MICU1: variants seen among roughly 807,000 people sequenced by gnomAD.
MICU1 encodes the protein mitochondrial calcium uptake 1.
Under a neutral mutation model 56.8 loss-of-function variants are expected in MICU1, and 45 were observed. That is an observed-to-expected ratio of 0.79 (90% CI 0.62 to 1.02). MICU1 has a LOEUF of 1.02. Ranked by LOEUF, MICU1 falls within the 50% of genes least tolerant of loss-of-function variation. MICU1 has a pLI of 0.00. For missense variants in MICU1, 504 were observed against 587.1 expected (o/e 0.86, Z 1.46); for synonymous variants, 186 against 195.1 (o/e 0.95, Z 0.39).
chr10:72,435,792 G>C (rs778383091), intron 8 of MICU1, among the ~76,000 whole-genome samples: 16 of 152,256 alleles, frequency 1.1e-4, no homozygotes, highest in Non-Finnish European at 2.4e-4. Context: ...CACTGCTAGC[G>C]CAGCAGTCTG....
intron 8 of MICU1, among the ~76,000 whole-genome samples, chr10:72,435,675 C>T (rs566494118): frequency 1.3e-5 from 2 of 152,334 alleles, no homozygotes; most frequent in South Asian, 2.1e-4. Context: ...AAAAACGGGA[C>T]ACTCCTGCCC....
chr10:72,382,647 G>A (rs1486838629), intron 10 of MICU1, among the ~76,000 whole-genome samples: 1 of 152,048 alleles, frequency 6.6e-6, no homozygotes, highest in Non-Finnish European at 1.5e-5. Flanking sequence ...GGTGGCTCAC[G>A]CCTGTAATCC....
chr10:72,499,879 T>A (rs1041098131), intron 6 of MICU1, among the ~76,000 whole-genome samples: 6 of 152,192 alleles, frequency 3.9e-5, no homozygotes, highest in African/African-American at 1.4e-4. Context: ...ATACACTTTG[T>A]GATCTGCTCT....
At chr10:72,468,888 A>G (rs1865872088) in intron 8 of MICU1, among the ~76,000 whole-genome samples, 1 of 152,222 alleles carries the variant, frequency 6.6e-6, no homozygotes, top group Non-Finnish European at 1.5e-5. Flanking sequence ...AGAGTCCCAA[A>G]TAAATCAGGT....
intron 1 of MICU1, among the ~76,000 whole-genome samples, chr10:72,606,475 T>C (rs1334392823): frequency 1.3e-5 from 2 of 151,958 alleles, no homozygotes; most frequent in Non-Finnish European, 2.9e-5. Flanking sequence ...ATCCCGCCAT[T>C]ATACTCCAGC....
At chr10:72,436,712 C>T (rs1422978174) in intron 8 of MICU1, among the ~76,000 whole-genome samples, 2 of 152,100 alleles carry the variant, frequency 1.3e-5, no homozygotes, top group Non-Finnish European at 2.9e-5. Context: ...GCAGAGAAGA[C>T]CTTAAATGAA....
intron 5 of MICU1, among the ~76,000 whole-genome samples, chr10:72,525,569 A>C (rs1867938374): frequency 6.6e-6 from 1 of 152,238 alleles, no homozygotes; most frequent in African/African-American, 2.4e-5. Context: ...CAGAGATAGC[A>C]CAGGAGATTT....
intron 8 of MICU1, among the ~76,000 whole-genome samples, chr10:72,471,828 A>C (rs1157859199): frequency 6.6e-6 from 1 of 152,154 alleles, no homozygotes; most frequent in African/African-American, 2.4e-5. Flanking sequence ...ACTCTCACAC[A>C]AACATTGTTA....
intron 6 of MICU1, among the ~76,000 whole-genome samples, chr10:72,492,094 C>T (rs962639199): frequency 1.2e-4 from 18 of 152,062 alleles, no homozygotes; most frequent in African/African-American, 3.9e-4. Context: ...CTAGTGCCCG[C>T]CAGTATATGA....
chr10:72,369,699 T>TTTGTTG (rs998901046), intron 11 of MICU1, among the ~76,000 whole-genome samples: 1 of 151,818 alleles, frequency 6.6e-6, no homozygotes, highest in African/African-American at 2.4e-5. Context: ...TGTTTTTTTT[T>TTTGTTG]TTGTTGTTGT....
At chr10:72,416,554 G>A (rs1215099733) in intron 9 of MICU1, among the ~76,000 whole-genome samples, 1 of 152,176 alleles carries the variant, frequency 6.6e-6, no homozygotes, top group East Asian at 1.9e-4. Context: ...CAATCTAATG[G>A]TTTTATTAGA....
Position 72,367,834 on chromosome 10 carries a change from A to G in MICU1, c.*361T>C. ...GGAATGTTCTTGTTAGTATAAATCC[A>G]TAGCAAAAACGATTTGAGAACTGGA... On this transcript the variant is annotated 3_prime_UTR_variant, in exon 12 of 12. Transcript: ENST00000361114. 1 of 202,398 alleles carries G rather than the reference A, an allele frequency of 4.9e-6. No homozygotes were observed. Among genetic ancestry groups the G allele is most frequent in the South Asian group, 1.4e-4 (1 of 7,010 alleles). The allele number at this position is 202,398 out of a possible 1,614,324, so 12.5% of individuals were successfully genotyped here.
chr10:72,488,806 T>C (rs1407460223), intron 6 of MICU1, among the ~76,000 whole-genome samples: 1 of 152,222 alleles, frequency 6.6e-6, no homozygotes, highest in Non-Finnish European at 1.5e-5. Flanking sequence ...AAGGTAAGTC[T>C]GGAGTTATTG....
At chr10:72,546,922 C>T (rs1336269410) in intron 4 of MICU1, among the ~76,000 whole-genome samples, 3 of 149,104 alleles carry the variant, frequency 2.0e-5, no homozygotes, top group East Asian at 4.0e-4. Context: ...GATGGAGTCT[C>T]GCTCTGTCGC....
chr10:72,609,940 C>A (rs1389780426), intron 1 of MICU1, among the ~76,000 whole-genome samples: 2 of 151,534 alleles, frequency 1.3e-5, no homozygotes, highest in Non-Finnish European at 2.9e-5. Context: ...GAAGCTGAGG[C>A]AGAGAGTTGC....
chr10:72,531,298 C>A (rs1839475848), intron 5 of MICU1, among the ~76,000 whole-genome samples: 1 of 152,058 alleles, frequency 6.6e-6, no homozygotes, highest in South Asian at 2.1e-4. Flanking sequence ...GGCTATAATG[C>A]ATAAAATTAC....
chr10:72,400,750 A>G (rs1368517037), intron 10 of MICU1, among the ~76,000 whole-genome samples: 2 of 152,102 alleles, frequency 1.3e-5, no homozygotes, highest in African/African-American at 4.8e-5. Context: ...CCATCTAAAA[A>G]ATAAATAAAT....
In MICU1 at chr10:72,409,628, T is replaced by C. The variant is rs186980204; in HGVS notation, c.1072-1591A>G. 2.2e-3 allele frequency among the ~76,000 whole-genome samples: 337 copies of C among 152,244 alleles called. 2 individuals are homozygous for C. Among genetic ancestry groups the C allele is most frequent in the African/African-American group, 7.8e-3 (322 of 41,528 alleles). ...ATCGCTTGAGCCTGGGAGGCAGAGG[T>C]TGCAGGGAGCTGAGATCATGCCACA... On this transcript the variant is annotated intron_variant, in intron 9 of 11. Transcript: ENST00000361114.
Position 72,477,550 on chromosome 10 carries a change from T to C in MICU1, c.653-294A>G, listed in dbSNP as rs1368886684. 2.0e-6 allele frequency: 3 copies of C among 1,535,070 alleles called. No individual in the cohort carries two copies. The South Asian group carries it at 3.6e-5, about 18-fold the overall frequency. On this transcript the variant is annotated intron_variant, in intron 6 of 11. Transcript: ENST00000361114. ...TTTAGCTTTGCTTTCAGAGACACCA[T>C]CTTCTTAGCTTAGTAATATTAACGT...
Sources: gnomAD v4.1 joint callset for allele counts (sites outside exome capture counted in the v4.1 genomes callset) on GRCh38, gnomAD v4.1.1 for gene constraint, MANE v1.5 for transcripts, NCBI Gene and HGNC (gene_info 2026-07-23, HGNC 2026-07-21) for gene names.